Variants in FRMD6 observed in about 807,000 individuals in gnomAD.
The protein encoded by FRMD6 is FERM domain-containing protein 6.
Under a neutral mutation model 73.2 loss-of-function variants are expected in FRMD6, and 37 were observed. The ratio of observed to expected loss-of-function variants is 0.51; its 90% CI spans 0.39 to 0.66. FRMD6 has a LOEUF of 0.66. FRMD6 is among the 30% of genes least tolerant of loss of function. FRMD6 has a pLI of 0.00. For synonymous variants in FRMD6, 273 were observed against 282.2 expected (o/e 0.97, Z 0.33); for missense variants, 714 against 780.5 (o/e 0.91, Z 1.02).
At chr14:51,651,766 G>T (rs1003949310), upstream of FRMD6, 1 of 143,182 alleles carries the variant, frequency 7.0e-6, no homozygotes, top group African/African-American at 2.5e-5. Flanking sequence ...CCCGCGGCTC[G>T]GCTGCCGCCG....
chr14:51,517,251 T>C (rs1404893273), intron 1 of FRMD6, among the ~76,000 whole-genome samples: 1 of 152,222 alleles, frequency 6.6e-6, no homozygotes. Flanking sequence ...CAATCCGGTT[T>C]GGTTATTTCC....
chr14:51,397,400 T>G, the FRMD6 span, among the ~76,000 whole-genome samples: 1 of 152,150 alleles, frequency 6.6e-6, no homozygotes, highest in Non-Finnish European at 1.5e-5. Flanking sequence ...CACCTTCCCT[T>G]TGACACCACA....
the FRMD6 span, among the ~76,000 whole-genome samples, chr14:51,447,183 G>A: frequency 6.6e-6 from 1 of 152,160 alleles, no homozygotes; most frequent in Admixed American, 6.5e-5. Flanking sequence ...GGCCTGCAGG[G>A]GTGCGGGGAG....
intron 2 of FRMD6, among the ~76,000 whole-genome samples, chr14:51,586,749 A>ATT (rs57160560): frequency 1.3e-5 from 2 of 150,156 alleles, no homozygotes; most frequent in East Asian, 3.9e-4. Context: ...TATTATTATT[A>ATT]ATCATTATTT....
At chr14:51,721,794 G>T in intron 11 of FRMD6, among the ~76,000 whole-genome samples, 155 bp from the exon 12 acceptor site, 1 of 150,454 alleles carries the variant, frequency 6.6e-6, no homozygotes, top group Non-Finnish European at 1.5e-5. Flanking sequence ...AGTAGTACCT[G>T]TTGAAAATGG....
intron 10 of FRMD6, among the ~76,000 whole-genome samples, chr14:51,718,316 A>G (rs1235349222): frequency 6.6e-6 from 1 of 152,190 alleles, no homozygotes; most frequent in Non-Finnish European, 1.5e-5. Context: ...TGAGCATACT[A>G]GTGAATATAG....
intron 1 of FRMD6, among the ~76,000 whole-genome samples, chr14:51,562,418 T>C (rs904047729): frequency 6.6e-6 from 1 of 152,144 alleles, no homozygotes; most frequent in Admixed American, 6.5e-5. Flanking sequence ...CCTGCGATCT[T>C]CAAGCTGGCC....
the FRMD6 span, among the ~76,000 whole-genome samples, chr14:51,452,527 AAGTT>A: frequency 6.6e-6 from 1 of 152,204 alleles, no homozygotes; most frequent in African/African-American, 2.4e-5. Flanking sequence ...GTGGGCAACT[AAGTT>A]AGGATATCAA....
intron 1 of FRMD6, among the ~76,000 whole-genome samples, chr14:51,501,309 C>T (rs577157564): frequency 7.2e-5 from 11 of 152,216 alleles, no homozygotes; most frequent in African/African-American, 2.4e-4. Context: ...CAGATCATCC[C>T]GTCACCTAGG....
the FRMD6 span, among the ~76,000 whole-genome samples, chr14:51,467,616 C>A: frequency 6.6e-6 from 1 of 150,854 alleles, no homozygotes; most frequent in South Asian, 2.1e-4. Context: ...CCAGACTGGG[C>A]GGCCGGTCAG....
intron 1 of FRMD6, among the ~76,000 whole-genome samples, chr14:51,682,384 G>C (rs1055036030): frequency 3.3e-5 from 5 of 151,316 alleles, no homozygotes; most frequent in African/African-American, 1.2e-4. Flanking sequence ...TTTAAGTAAA[G>C]TAAATATCAA....
rs188137258 is a variant in FRMD6 at position 51,619,902 on chromosome 14, T to C, written c.-147+49492T>C. Among the ~76,000 whole-genome samples, 38 of 152,330 alleles carry C rather than the reference T, an allele frequency of 2.5e-4. No homozygotes were observed. In the Middle Eastern group the frequency reaches 0.017, roughly 68 times the overall value. The stretch of plus-strand genomic sequence containing the variant: ...CAATAACAGACAAGGCCTTTCCTTA[T>C]GACAGCTGTATTCAAGGTGTCGCAG... On this transcript the variant is annotated intron_variant, in intron 2 of 14. Coordinates refer to the FRMD6 transcript ENST00000356218.
chr14:51,430,992 G>T, the FRMD6 span, among the ~76,000 whole-genome samples: 7 of 152,324 alleles, frequency 4.6e-5, no homozygotes, highest in South Asian at 2.1e-4. Context: ...GTATGTATGT[G>T]TGCAGAAGAC....
chr14:51,400,435 CAG>C, the FRMD6 span, among the ~76,000 whole-genome samples: 1 of 152,190 alleles, frequency 6.6e-6, no homozygotes, highest in Non-Finnish European at 1.5e-5. Context: ...ATACAAATCA[CAG>C]AGTCTCCTGC....
At chr14:51,539,668 G>A (rs1470898131) in intron 1 of FRMD6, among the ~76,000 whole-genome samples, 1 of 152,096 alleles carries the variant, frequency 6.6e-6, no homozygotes, top group Non-Finnish European at 1.5e-5. Flanking sequence ...CAGAGGCATT[G>A]AGTATGTAGC....
chr14:51,698,275 C>T (rs1330660139), intron 3 of FRMD6, 43 bp downstream of exon 3: 1 of 1,362,812 alleles, frequency 7.3e-7, no homozygotes, highest in Non-Finnish European at 1.0e-6. Flanking sequence ...CCAACTATCC[C>T]TGAGGAAATG....
rs1887578268 is a variant in FRMD6, at chr14:51,563,236, C to T, written c.-209-7112C>T. Among the ~76,000 whole-genome samples the T allele has an allele frequency of 3.4e-5, 5 of 148,770 alleles. No homozygotes were observed. The South Asian group carries it at 1.1e-3, about 33-fold the overall frequency. On this transcript the variant is annotated intron_variant, in intron 1 of 14. Transcript: ENST00000356218. The stretch of plus-strand genomic sequence containing the variant: ...CATTTCCATAGTAAAAGAATTATCG[C>T]TTACAAGTCCAGATTCAAGGGGCAG...
intron 2 of FRMD6, among the ~76,000 whole-genome samples, chr14:51,695,594 AGT>A (rs931551008): frequency 2.0e-5 from 3 of 152,184 alleles, no homozygotes; most frequent in Non-Finnish European, 4.4e-5. Flanking sequence ...CTTGATCTCT[AGT>A]CATGGAACAG....
intron 1 of FRMD6, among the ~76,000 whole-genome samples, chr14:51,665,074 G>T (rs1893481702): frequency 6.6e-6 from 1 of 152,090 alleles, no homozygotes; most frequent in Non-Finnish European, 1.5e-5. Context: ...GCAAGCCTGT[G>T]GCCCACCAAC....
Sources: allele counts gnomAD v4.1 joint callset (sites outside exome capture counted in the v4.1 genomes callset), GRCh38; gene constraint gnomAD v4.1.1; transcripts MANE v1.5; gene names NCBI Gene and HGNC (gene_info 2026-07-23, HGNC 2026-07-21).